The following FNDC3B variants were observed in gnomAD, a reference collection of about 807,000 sequenced individuals.
FNDC3B encodes the protein fibronectin type III domain containing 3B.
A neutral mutation model predicts 151.5 loss-of-function variants in FNDC3B; 12 were observed. The ratio of observed to expected loss-of-function variants is 0.08; its 90% confidence interval spans 0.05 to 0.13. The LOEUF (loss-of-function observed/expected upper bound fraction) is 0.13. FNDC3B is among the 10% of genes least tolerant of loss of function. The pLI is 1.00. For synonymous variants in FNDC3B, 528 were observed against 549.0 expected (o/e 0.96, Z 0.54); for missense variants, 1,214 against 1,505.3 (o/e 0.81, Z 3.20).
intron 4 of FNDC3B, among the ~76,000 whole-genome samples, chr3:172,232,862 C>T (rs375485982): frequency 1.3e-5 from 2 of 152,104 alleles, no homozygotes; most frequent in Non-Finnish European, 2.9e-5. Flanking sequence ...ACCTACTTGA[C>T]GTGGTAGAGG....
chr3:172,158,196 A>T (rs964818384), intron 3 of FNDC3B, among the ~76,000 whole-genome samples: 3 of 152,244 alleles, frequency 2.0e-5, no homozygotes, highest in Admixed American at 6.5e-5. Context: ...GAATGGACTA[A>T]GACAGTACCC....
intron 4 of FNDC3B, among the ~76,000 whole-genome samples, chr3:172,232,041 T>G (rs992449411): frequency 2.0e-5 from 3 of 152,024 alleles, no homozygotes; most frequent in Non-Finnish European, 4.4e-5. Flanking sequence ...TCACCATGCC[T>G]GGCTAATTTT....
chr3:172,398,305 G>A lies in FNDC3B; in HGVS notation c.*830G>A, dbSNP rs1197977017. 3 of 152,622 alleles carry A rather than the reference G, an allele frequency of 2.0e-5. No individual in the cohort carries two copies. Among genetic ancestry groups the A allele is most frequent in the Admixed American group, 2.0e-4 (3 of 15,286 alleles). 9.5% of individuals were successfully genotyped at this position (152,622 alleles called of 1,614,324 possible). A position where few individuals can be genotyped will look rare whatever the true frequency, so the allele number is the denominator to read the frequency against. ...AACTACTTCTAATCTAATCACTAGA[G>A]TTATTATATTCTGTTATGTTTGACC... On this transcript the variant is annotated 3_prime_UTR_variant, in exon 26 of 26. Coordinates refer to ENST00000415807, the MANE Select transcript of FNDC3B (RefSeq NM_022763.4).
At chr3:172,376,926 A>G (rs1289792138) in intron 23 of FNDC3B, among the ~76,000 whole-genome samples, 2 of 152,100 alleles carry the variant, frequency 1.3e-5, no homozygotes, top group African/African-American at 2.4e-5. Context: ...TCATTTTTCC[A>G]TCCATTCATC....
intron 1 of FNDC3B, among the ~76,000 whole-genome samples, chr3:172,053,715 T>A (rs1576820709): frequency 1.4e-5 from 2 of 145,952 alleles, no homozygotes; most frequent in Non-Finnish European, 1.5e-5. Context: ...GAGGTTGTAG[T>A]GAGCCGAGAC....
chr3:172,229,128 C>CACACACACAT (rs1726753802), intron 4 of FNDC3B, among the ~76,000 whole-genome samples: 1 of 102,168 alleles, frequency 9.8e-6, no homozygotes, highest in African/African-American at 3.3e-5. Flanking sequence ...CACACACACA[C>CACACACACAT]ACACACACAA....
chr3:172,339,975 T>C (rs1202114486), intron 16 of FNDC3B, among the ~76,000 whole-genome samples: 1 of 152,236 alleles, frequency 6.6e-6, no homozygotes. Flanking sequence ...CTAGTTAAAA[T>C]ACCAGGGAAT....
intron 2 of FNDC3B, among the ~76,000 whole-genome samples, chr3:172,114,249 G>A (rs1052960139): frequency 1.3e-5 from 2 of 152,068 alleles, no homozygotes; most frequent in Non-Finnish European, 2.9e-5. Context: ...TCATGGGAAG[G>A]TTGCAGAGTG....
intron 6 of FNDC3B, among the ~76,000 whole-genome samples, chr3:172,266,989 C>G (rs1326413858): frequency 4.6e-5 from 7 of 152,198 alleles, no homozygotes; most frequent in Non-Finnish European, 8.8e-5. Context: ...TCCACAACAT[C>G]TACTACCTAC....
intron 14 of FNDC3B, 145 bp from the exon 15 acceptor site, chr3:172,334,799 C>G: frequency 1.5e-6 from 1 of 659,692 alleles, no homozygotes; most frequent in Non-Finnish European, 2.6e-6. Flanking sequence ...AAAATAAATA[C>G]TGTTAATACT....
chr3:172,157,755 T>C (rs56822680), intron 3 of FNDC3B, among the ~76,000 whole-genome samples: 2 of 152,242 alleles, frequency 1.3e-5, no homozygotes, highest in African/African-American at 4.8e-5. Flanking sequence ...TTTCATCATA[T>C]ACATGAATCA....
chr3:172,181,827 C>CAAAAAAA (rs747723219), intron 3 of FNDC3B, among the ~76,000 whole-genome samples: 3 of 61,588 alleles, frequency 4.9e-5, no homozygotes, highest in Non-Finnish European at 8.9e-5. Flanking sequence ...GACTCCATCT[C>CAAAAAAA]AAAAAAAAAA....
chr3:172,301,670 G>C (rs1024818069), intron 9 of FNDC3B: 6 of 152,182 alleles, frequency 3.9e-5, no homozygotes, highest in African/African-American at 1.4e-4. Context: ...ACTAGCCCAG[G>C]CAACATAATG....
At chr3:172,171,742 A>C (rs557894881) in intron 3 of FNDC3B, among the ~76,000 whole-genome samples, 2 of 151,296 alleles carry the variant, frequency 1.3e-5, no homozygotes, top group South Asian at 4.2e-4. Flanking sequence ...TCTGATTATT[A>C]GCCAAGAGAA....
chr3:172,205,859 G>A (rs765269127), intron 3 of FNDC3B, among the ~76,000 whole-genome samples: 1 of 152,090 alleles, frequency 6.6e-6, no homozygotes, highest in Non-Finnish European at 1.5e-5. Context: ...ATTATAAATT[G>A]GTTGAATTAC....
chr3:172,073,059 C>T (rs922518330), intron 1 of FNDC3B, among the ~76,000 whole-genome samples: 7 of 152,144 alleles, frequency 4.6e-5, no homozygotes, highest in African/African-American at 1.7e-4. Context: ...ACCATAGCCA[C>T]CCTGCAGACA....
At chr3:172,221,622 A>G (rs1726283149) in intron 3 of FNDC3B, among the ~76,000 whole-genome samples, 3 of 152,230 alleles carry the variant, frequency 2.0e-5, no homozygotes, top group African/African-American at 7.2e-5. Context: ...TAAAGTTAGC[A>G]TCTGTGCTTT....
At chr3:172,110,267 C>T (rs957995921) in intron 1 of FNDC3B, among the ~76,000 whole-genome samples, 1 of 152,122 alleles carries the variant, frequency 6.6e-6, no homozygotes, top group Non-Finnish European at 1.5e-5. Context: ...CTCCCCATTC[C>T]CTCACAGGAC....
intron 22 of FNDC3B, among the ~76,000 whole-genome samples, chr3:172,357,590 C>G (rs995958391): frequency 6.6e-6 from 1 of 152,130 alleles, no homozygotes; most frequent in African/African-American, 2.4e-5. Flanking sequence ...ATTATTTTCC[C>G]ATACTGTGTT....
Sources: gnomAD v4.1 joint callset for allele counts (sites outside exome capture counted in the v4.1 genomes callset) on GRCh38, gnomAD v4.1.1 for gene constraint, MANE v1.5 for transcripts, NCBI Gene and HGNC (gene_info 2026-07-23, HGNC 2026-07-21) for gene names.